RBMS3: variants seen among roughly 807,000 people sequenced by gnomAD.
RBMS3 encodes RNA-binding motif, single-stranded-interacting protein 3.
A neutral mutation model predicts 66.8 loss-of-function variants in RBMS3; 27 were observed. The observed-to-expected ratio is 0.40, with a 90% CI of 0.30 to 0.56. The LOEUF is 0.56. RBMS3 is among the 20% of genes least tolerant of loss of function. The pLI is 0.40. For missense variants in RBMS3, 513 were observed against 549.5 expected (o/e 0.93, Z 0.66); for synonymous variants, 188 against 183.0 (o/e 1.03, Z -0.22).
At chr3:29,932,111 T>G (rs951926082) in intron 10 of RBMS3, among the ~76,000 whole-genome samples, 4 of 152,166 alleles carry the variant, frequency 2.6e-5, no homozygotes, top group African/African-American at 4.8e-5. Context: ...ATTCCCAATG[T>G]GTTATAATAG....
intron 4 of RBMS3, among the ~76,000 whole-genome samples, chr3:29,599,015 C>A (rs2048057584): frequency 6.6e-6 from 1 of 151,784 alleles, no homozygotes; most frequent in Non-Finnish European, 1.5e-5. Context: ...ATAGTCGGGG[C>A]AGAATTGACA....
chr3:29,448,721 G>A (rs1488443197), intron 2 of RBMS3, among the ~76,000 whole-genome samples: 2 of 152,060 alleles, frequency 1.3e-5, no homozygotes, highest in Non-Finnish European at 2.9e-5. Flanking sequence ...CCTACATCCT[G>A]GGAAACTCTT....
intron 6 of RBMS3, among the ~76,000 whole-genome samples, chr3:29,782,679 C>CA (rs2056679676): frequency 3.3e-5 from 5 of 152,072 alleles, no homozygotes; most frequent in Admixed American, 1.3e-4. Flanking sequence ...CAAAACAAGA[C>CA]AAAATCTCTG....
chr3:29,394,285 C>A (rs1189293837), intron 1 of RBMS3, among the ~76,000 whole-genome samples: 3 of 152,180 alleles, frequency 2.0e-5, no homozygotes, highest in Admixed American at 2.0e-4. Context: ...TTCTGCCCCA[C>A]CCCGCAGGCA....
intron 6 of RBMS3, among the ~76,000 whole-genome samples, chr3:29,792,581 G>A (rs2057049984): frequency 6.6e-6 from 1 of 152,054 alleles, no homozygotes; most frequent in South Asian, 2.1e-4. Context: ...TATGACCTGG[G>A]GCAAGTGACT....
At chr3:29,878,892 A>T (rs555653863) in intron 7 of RBMS3, among the ~76,000 whole-genome samples, 2 of 152,146 alleles carry the variant, frequency 1.3e-5, no homozygotes, top group Admixed American at 1.3e-4. Flanking sequence ...AAAAAATTTA[A>T]ATAAAATTAG....
At chr3:29,538,757 ATGT>A (rs1230880367) in intron 3 of RBMS3, among the ~76,000 whole-genome samples, 1 of 152,216 alleles carries the variant, frequency 6.6e-6, no homozygotes, top group African/African-American at 2.4e-5. Flanking sequence ...ATGAAGGCAC[ATGT>A]TGTCCTGCAG....
chr3:29,764,163 C>A (rs1275270061), intron 6 of RBMS3, among the ~76,000 whole-genome samples: 2 of 151,960 alleles, frequency 1.3e-5, no homozygotes, highest in African/African-American at 4.8e-5. Flanking sequence ...TTCAGACAGA[C>A]ACTTGCATAA....
chr3:29,814,487 T>A (rs2149463541), intron 6 of RBMS3, among the ~76,000 whole-genome samples: 1 of 152,338 alleles, frequency 6.6e-6, no homozygotes, highest in Admixed American at 6.5e-5. Flanking sequence ...AGGATGATGC[T>A]GGCCTCATAA....
intron 2 of RBMS3, among the ~76,000 whole-genome samples, chr3:29,442,376 G>A (rs1440198636): frequency 1.3e-5 from 2 of 152,030 alleles, no homozygotes; most frequent in Admixed American, 1.3e-4. Context: ...TCTGCTGAAT[G>A]TTTACATATC....
At chr3:29,757,451 A>G (rs553208288) in intron 5 of RBMS3, among the ~76,000 whole-genome samples, 1 of 152,324 alleles carries the variant, frequency 6.6e-6, no homozygotes, top group Non-Finnish European at 1.5e-5. Flanking sequence ...ACATACCTGT[A>G]GACTGGGTTT....
intron 5 of RBMS3, among the ~76,000 whole-genome samples, chr3:29,745,932 C>T (rs1279406548): frequency 6.6e-6 from 1 of 151,294 alleles, no homozygotes; most frequent in African/African-American, 2.4e-5. Flanking sequence ...CATACAAATA[C>T]TAGCCTGCTT....
chr3:29,672,490 G>A (rs2051047993), intron 4 of RBMS3, among the ~76,000 whole-genome samples: 1 of 152,154 alleles, frequency 6.6e-6, no homozygotes, highest in African/African-American at 2.4e-5. Context: ...ACACAGACTT[G>A]CAAATTGGAT....
intron 1 of RBMS3, among the ~76,000 whole-genome samples, chr3:29,315,110 A>G (rs896409940): frequency 6.6e-6 from 1 of 151,816 alleles, no homozygotes; most frequent in Non-Finnish European, 1.5e-5. Context: ...ATTAGACACT[A>G]TTGGCACCAT....
intron 4 of RBMS3, among the ~76,000 whole-genome samples, chr3:29,680,640 T>A (rs2051447306): frequency 6.6e-6 from 1 of 152,118 alleles, no homozygotes; most frequent in Non-Finnish European, 1.5e-5. Context: ...CCAAATACAA[T>A]CAAAGATGAA....
intron 4 of RBMS3, among the ~76,000 whole-genome samples, chr3:29,670,283 C>G (rs2050939815): frequency 6.6e-6 from 1 of 152,118 alleles, no homozygotes; most frequent in African/African-American, 2.4e-5. Flanking sequence ...TAGTAGGCTT[C>G]CAGTTCCAAG....
chr3:29,980,312 C>T (rs1697898296), intron 12 of RBMS3, among the ~76,000 whole-genome samples: 1 of 151,830 alleles, frequency 6.6e-6, no homozygotes. Context: ...GTGTAAGTTA[C>T]TTGTAGATTC....
At chr3:29,425,496 G>T (rs2040921946) in intron 1 of RBMS3, among the ~76,000 whole-genome samples, 1 of 151,872 alleles carries the variant, frequency 6.6e-6, no homozygotes, top group Non-Finnish European at 1.5e-5. Flanking sequence ...AAATTAGCCG[G>T]GTGTGGTGGA....
intron 1 of RBMS3, among the ~76,000 whole-genome samples, chr3:29,328,081 A>G (rs1418854996): frequency 6.6e-6 from 1 of 152,190 alleles, no homozygotes; most frequent in Admixed American, 6.5e-5. Context: ...AGTCTATTAT[A>G]ACATCATTAT....
Sources: gnomAD v4.1 joint callset for allele counts (sites outside exome capture counted in the v4.1 genomes callset) on GRCh38, gnomAD v4.1.1 for gene constraint, MANE v1.5 for transcripts, NCBI Gene and HGNC (gene_info 2026-07-23, HGNC 2026-07-21) for gene names.